Variants in MYPN observed in about 807,000 individuals in gnomAD.
MYPN encodes the protein sarcomeric protein myopalladin, 145 kDa (MYOP).
In MYPN, 63 loss-of-function variants were observed where a neutral mutation model predicts 129.4. The observed-to-expected ratio is 0.49, with a 90% CI of 0.40 to 0.60. MYPN has a LOEUF of 0.60. Among genes scored for constraint, MYPN ranks in the 20% least tolerant of loss-of-function variants. The pLI is 0.00. For synonymous variants in MYPN, 629 were observed against 600.9 expected, an observed-to-expected ratio of 1.05 and a Z score of -0.68; for missense variants, 1,596 against 1,635.4, an observed-to-expected ratio of 0.98 and a Z score of 0.42.
Position 68,158,609 on chromosome 10 carries a change from T to C in MYPN, c.1441T>C (p.Phe481Leu). The stretch of plus-strand genomic sequence containing the variant: ...GACTTTAATAGAAGATTCTCCAGAT[T>C]TTAGGATTTTACAGAAAAGTAAGTT... ...EGTLIEDSPD[F>L]RILQKKPRSM... Residue 481 changes from phenylalanine (F) to leucine (L), a missense_variant, in exon 7 of 20, where the codon TTT (phenylalanine) becomes CTT (leucine). Phe to Leu is a conservative substitution (Grantham distance 22, BLOSUM62 0). Coordinates refer to ENST00000358913, the MANE Select transcript of MYPN (RefSeq NM_032578.4). 1 of 1,597,086 alleles carries C rather than the reference T, an allele frequency of 6.3e-7. No individual in the cohort carries two copies. Among genetic ancestry groups the C allele is most frequent in the Non-Finnish European group, 8.6e-7 (1 of 1,165,052 alleles).
At chr10:68,206,990 G>A (rs1044323066) in intron 19 of MYPN, 87 bp downstream of exon 19, 30 of 1,515,154 alleles carry the variant, frequency 2.0e-5, no homozygotes, top group Non-Finnish European at 2.6e-5. Context: ...AGGCAAGGTG[G>A]CTCATGCCTG....
intron 13 of MYPN, among the ~76,000 whole-genome samples, chr10:68,192,223 A>G (rs182771756): frequency 6.6e-6 from 1 of 152,244 alleles, no homozygotes; most frequent in East Asian, 1.9e-4. Flanking sequence ...GCCGAATTTA[A>G]TTGAGTGCTT....
chr10:68,097,568 A>G (rs1303766149), intron 1 of MYPN, among the ~76,000 whole-genome samples: 2 of 152,116 alleles, frequency 1.3e-5, no homozygotes, highest in African/African-American at 4.8e-5. Context: ...AAAAGTATTA[A>G]CTCACTTAAG....
intron 2 of MYPN, among the ~76,000 whole-genome samples, chr10:68,126,771 T>C (rs932282101): frequency 6.6e-6 from 1 of 152,030 alleles, no homozygotes; most frequent in African/African-American, 2.4e-5. Flanking sequence ...AGGAGGTCGA[T>C]GGGAATTTGA....
chr10:68,116,845 C>T (rs1467952184), intron 1 of MYPN, among the ~76,000 whole-genome samples: 1 of 152,166 alleles, frequency 6.6e-6, no homozygotes, highest in Non-Finnish European at 1.5e-5. Flanking sequence ...TTATGACTGC[C>T]TTTACCAGTT....
At chr10:68,105,590 T>G (rs1219173504), upstream of MYPN, among the ~76,000 whole-genome samples, 2 of 152,336 alleles carry the variant, frequency 1.3e-5, no homozygotes, top group East Asian at 3.9e-4. Flanking sequence ...AGTGTAAACT[T>G]TGATATGTAC....
chr10:68,107,091 A>G (rs568949407), upstream of MYPN, among the ~76,000 whole-genome samples: 15 of 152,362 alleles, frequency 9.8e-5, no homozygotes, highest in African/African-American at 3.4e-4. Flanking sequence ...TTACAACTGA[A>G]GATAAGCAAG....
At chr10:68,200,223 G>A (rs2043686974) in intron 17 of MYPN, among the ~76,000 whole-genome samples, 1 of 152,206 alleles carries the variant, frequency 6.6e-6, no homozygotes. Flanking sequence ...CACATCTCCA[G>A]TGCCTCTGTC....
At chr10:68,133,244 C>T (rs1400474944) in intron 2 of MYPN, among the ~76,000 whole-genome samples, 2 of 151,970 alleles carry the variant, frequency 1.3e-5, no homozygotes, top group Non-Finnish European at 2.9e-5. Context: ...AAGCTAGTCT[C>T]GAACTCCTGA....
chr10:68,197,786 C>T (rs770066507), intron 16 of MYPN, among the ~76,000 whole-genome samples: 2 of 152,054 alleles, frequency 1.3e-5, no homozygotes, highest in African/African-American at 4.8e-5. Flanking sequence ...CTGAGGGGCC[C>T]GCGTTCCAAG....
chr10:68,112,777 A>AT (rs1234187264), intron 1 of MYPN, among the ~76,000 whole-genome samples: 1 of 152,198 alleles, frequency 6.6e-6, no homozygotes, highest in Admixed American at 6.5e-5. Flanking sequence ...TAAATTACTA[A>AT]TGCCGTTCAC....
intron 1 of MYPN, among the ~76,000 whole-genome samples, chr10:68,120,988 T>G (rs1301759902): frequency 6.6e-6 from 1 of 152,180 alleles, no homozygotes; most frequent in African/African-American, 2.4e-5. Context: ...CTTTAAAGTT[T>G]GTAAAAGGGG....
chr10:68,150,133 T>A, intron 6 of MYPN, 22 bp downstream of exon 6: 1 of 1,586,748 alleles, frequency 6.3e-7, no homozygotes, highest in Middle Eastern at 1.7e-4. Flanking sequence ...ATTACTTCTT[T>A]CTGTCATGGC....
At chr10:68,141,333 C>T (rs1013317457) in intron 2 of MYPN, among the ~76,000 whole-genome samples, 2 of 149,894 alleles carry the variant, frequency 1.3e-5, no homozygotes, top group African/African-American at 2.5e-5. Context: ...CGGACCACTG[C>T]ACTCCAATCT....
At chr10:68,093,211 G>A (rs1291461521) in intron 1 of MYPN, among the ~76,000 whole-genome samples, 1 of 152,024 alleles carries the variant, frequency 6.6e-6, no homozygotes, top group Non-Finnish European at 1.5e-5. Flanking sequence ...GAAAAAGGAG[G>A]CCTCATCCCA....
At position 68,174,393 on chromosome 10, in the gene MYPN, C is replaced by T; in HGVS notation, c.2301C>T (p.His767=). Residue 767 remains histidine (H), a synonymous_variant, in exon 11 of 20, where the codon CAC becomes CAT. Coordinates refer to ENST00000358913, the MANE Select transcript of MYPN (RefSeq NM_032578.4). ...GCAAAGAAAGCCTCTTAGTGTCTCA[C>T]CCCTCTGTGCAAACCAAATCTCCAG... ...TVSKESLLVS[H]PSVQTKSPGG... 3 of 1,614,158 alleles carry T rather than the reference C, an allele frequency of 1.9e-6. No individual in the cohort carries two copies. Among genetic ancestry groups the T allele is most frequent in the South Asian group, 2.2e-5 (2 of 91,086 alleles).
intron 2 of MYPN, among the ~76,000 whole-genome samples, chr10:68,127,905 G>A (rs1242473926): frequency 6.6e-6 from 1 of 152,140 alleles, no homozygotes; most frequent in African/African-American, 2.4e-5. Context: ...AATATAATAA[G>A]CATACTGGGC....
At chr10:68,101,962 G>T (rs750504435), upstream of MYPN, among the ~76,000 whole-genome samples, 2 of 151,882 alleles carry the variant, frequency 1.3e-5, no homozygotes, top group Non-Finnish European at 2.9e-5. Context: ...TCTCCTAACA[G>T]GAAAAGTACT....
intron 2 of MYPN, among the ~76,000 whole-genome samples, chr10:68,138,730 G>A (rs1020835510): frequency 2.6e-4 from 40 of 152,120 alleles, no homozygotes; most frequent in African/African-American, 9.4e-4. Context: ...AAGATGAAGG[G>A]TTAGCACCCT....
Sources: gnomAD v4.1 joint callset for allele counts (sites outside exome capture counted in the v4.1 genomes callset) on GRCh38, gnomAD v4.1.1 for gene constraint, MANE v1.5 for transcripts, NCBI Gene and HGNC (gene_info 2026-07-23, HGNC 2026-07-21) for gene names.